PRDM16: variants seen among roughly 807,000 people sequenced by gnomAD.
PRDM16 encodes histone-lysine N-methyltransferase PRDM16.
Under a neutral mutation model 110.6 loss-of-function variants are expected in PRDM16, and 23 were observed. That is an observed-to-expected ratio of 0.21 (90% CI 0.15 to 0.29). The LOEUF (loss-of-function observed/expected upper bound fraction) is 0.29, where lower values mean the gene tolerates loss of function less well. Among genes scored for constraint, PRDM16 ranks in the 10% least tolerant of loss-of-function variants. The pLI is 1.00. For synonymous variants in PRDM16, 799 were observed against 781.8 expected (o/e 1.02, Z -0.37); for missense variants, 1,615 against 1,794.3 (o/e 0.90, Z 1.81).
At chr1:3,369,182 G>A (rs976732328) in intron 3 of PRDM16, among the ~76,000 whole-genome samples, 4 of 152,190 alleles carry the variant, frequency 2.6e-5, no homozygotes, top group Non-Finnish European at 2.9e-5. Flanking sequence ...GAACTCGGGG[G>A]GAGCGAGCGC....
At chr1:3,203,116 C>T (rs544983289) in intron 2 of PRDM16, among the ~76,000 whole-genome samples, 2 of 152,294 alleles carry the variant, frequency 1.3e-5, no homozygotes, top group African/African-American at 4.8e-5. Context: ...TTGCACACCA[C>T]CCCCAACCCC....
At chr1:3,317,153 C>T (rs1452029124) in intron 3 of PRDM16, among the ~76,000 whole-genome samples, 2 of 152,222 alleles carry the variant, frequency 1.3e-5, no homozygotes, top group African/African-American at 4.8e-5. Context: ...CGCCCATCAT[C>T]TGCTGTGGTT....
chr1:3,228,957 T>A (rs1431037480), intron 2 of PRDM16, among the ~76,000 whole-genome samples: 1 of 152,212 alleles, frequency 6.6e-6, no homozygotes, highest in African/African-American at 2.4e-5. Context: ...TAAATCACAC[T>A]GCAGAACAGC....
intron 3 of PRDM16, among the ~76,000 whole-genome samples, chr1:3,335,706 C>T (rs1253155333): frequency 1.3e-5 from 2 of 151,990 alleles, no homozygotes; most frequent in Non-Finnish European, 1.5e-5. Flanking sequence ...CAAAATCCAG[C>T]CTTCTTCCCC....
chr1:3,126,480 C>A (rs11800064), intron 1 of PRDM16, among the ~76,000 whole-genome samples: 1 of 152,134 alleles, frequency 6.6e-6, no homozygotes, highest in South Asian at 2.1e-4. Flanking sequence ...CAGCCCTCAA[C>A]GAGGGACAGT....
Position 3,130,044 on chromosome 1 carries a change from C to T in PRDM16, c.38-56081C>T, listed in dbSNP as rs1466923218. Among the ~76,000 whole-genome samples, 4 of 152,198 alleles carry T rather than the reference C, an allele frequency of 2.6e-5. No homozygotes were observed. The East Asian group carries it at 7.7e-4, about 29-fold the overall frequency. On this transcript the variant is annotated intron_variant, in intron 1 of 16. Coordinates refer to ENST00000270722, the MANE Select transcript of PRDM16 (RefSeq NM_022114.4). Reference sequence around the variant, plus strand: ...TTGTTCTGGGACAGTGAGGCCCAAGCACCCCAGAGGGAGGTGGAGACCCCC... The same window carrying T: ...TTGTTCTGGGACAGTGAGGCCCAAGTACCCCAGAGGGAGGTGGAGACCCCC...
intron 3 of PRDM16, among the ~76,000 whole-genome samples, chr1:3,334,968 G>A (rs1020980605): frequency 6.6e-6 from 1 of 152,200 alleles, no homozygotes; most frequent in Non-Finnish European, 1.5e-5. Context: ...GTGCCTGTAC[G>A]AACAGCAGCA....
intron 2 of PRDM16, among the ~76,000 whole-genome samples, chr1:3,218,030 T>C (rs1639072005): frequency 1.3e-5 from 2 of 152,150 alleles, no homozygotes; most frequent in Admixed American, 6.5e-5. Flanking sequence ...TCATCCAACA[T>C]CTGCAGGCCC....
chr1:3,181,874 G>GCC, intron 1 of PRDM16, among the ~76,000 whole-genome samples: 1 of 97,894 alleles, frequency 1.0e-5, no homozygotes, highest in Admixed American at 1.2e-4. Flanking sequence ...TCTTACACAC[G>GCC]GTCTTGCACA....
intron 3 of PRDM16, among the ~76,000 whole-genome samples, chr1:3,340,257 C>T (rs1169045305): frequency 6.6e-6 from 1 of 152,086 alleles, no homozygotes; most frequent in Non-Finnish European, 1.5e-5. Context: ...CAAGCAGACC[C>T]CACGAGCCCA....
intron 1 of PRDM16, among the ~76,000 whole-genome samples, chr1:3,137,993 C>T (rs1216607911): frequency 6.6e-6 from 1 of 152,176 alleles, no homozygotes; most frequent in Non-Finnish European, 1.5e-5. Context: ...CCAAGGGGCT[C>T]GGAGGGGCCT....
intron 1 of PRDM16, among the ~76,000 whole-genome samples, chr1:3,130,905 G>T (rs771489320): frequency 6.6e-6 from 1 of 151,790 alleles, no homozygotes; most frequent in Non-Finnish European, 1.5e-5. Context: ...GAACGCAGCC[G>T]CTTCCTTCTG....
intron 1 of PRDM16, among the ~76,000 whole-genome samples, chr1:3,170,121 G>A (rs779448091): frequency 2.0e-5 from 3 of 152,202 alleles, no homozygotes; most frequent in Non-Finnish European, 4.4e-5. Context: ...GCAGCTGAGC[G>A]CGGACGGGCT....
intron 3 of PRDM16, among the ~76,000 whole-genome samples, chr1:3,341,218 G>A (rs2500261): frequency 0.34 from 51,191 of 152,064 alleles, 9,084 homozygotes; most frequent in Middle Eastern, 0.49. Flanking sequence ...AGTGACTGTC[G>A]CCTGGTGGGT....
chr1:3,283,451 A>C (rs1640761205), intron 3 of PRDM16, among the ~76,000 whole-genome samples: 1 of 152,178 alleles, frequency 6.6e-6, no homozygotes, highest in South Asian at 2.1e-4. Context: ...AGCCCCAGGC[A>C]GACCCAACTC....
At chr1:3,172,270 C>T (rs947930174) in intron 1 of PRDM16, among the ~76,000 whole-genome samples, 11 of 152,098 alleles carry the variant, frequency 7.2e-5, no homozygotes, top group African/African-American at 2.4e-4. Flanking sequence ...AGTGGCTTTA[C>T]CCCACTCCCA....
chr1:3,341,057 T>A (rs1186732227), intron 3 of PRDM16, among the ~76,000 whole-genome samples: 1 of 129,474 alleles, frequency 7.7e-6, no homozygotes, highest in Admixed American at 7.7e-5. Context: ...TTGGCCAAGT[T>A]GCTGCCCCCT....
chr1:3,154,555 T>C (rs1370337752), intron 1 of PRDM16, among the ~76,000 whole-genome samples: 6 of 152,176 alleles, frequency 3.9e-5, no homozygotes, highest in Non-Finnish European at 7.4e-5. Context: ...CCTGCCCCCA[T>C]GGCCCTTCCC....
intron 3 of PRDM16, among the ~76,000 whole-genome samples, chr1:3,352,270 G>A (rs2100540444): frequency 6.6e-6 from 1 of 152,250 alleles, no homozygotes; most frequent in East Asian, 1.9e-4. Flanking sequence ...CCTGCGGACT[G>A]ATTCAATTCT....
Sources: allele counts gnomAD v4.1 joint callset (sites outside exome capture counted in the v4.1 genomes callset), GRCh38; gene constraint gnomAD v4.1.1; transcripts MANE v1.5; gene names NCBI Gene and HGNC (gene_info 2026-07-23, HGNC 2026-07-21).